The following TBCEL variants were observed in gnomAD, a reference collection of about 807,000 sequenced individuals.
TBCEL encodes tubulin folding cofactor E like.
TBCEL carries 15 observed loss-of-function variants against 44.2 expected under a neutral mutation model. That is an observed-to-expected ratio of 0.34 (90% CI 0.23 to 0.52). TBCEL has a LOEUF of 0.52. TBCEL is among the 20% of genes least tolerant of loss of function. TBCEL has a pLI of 0.95. For missense variants in TBCEL, 319 were observed against 506.3 expected (o/e 0.63, Z 3.55); for synonymous variants, 171 against 185.4 (o/e 0.92, Z 0.63).
Position 121,065,989 on chromosome 11 carries a change from T to C in TBCEL, c.956+5904T>C, listed in dbSNP as rs112714306. On this transcript the variant is annotated intron_variant, in intron 8 of 8. Transcript: ENST00000683345. The stretch of plus-strand genomic sequence containing the variant: ...CCACTCCTTGGTACCAGTTTCTTAG[T>C]GCAAACAACAGAAATCAATTCTGGC... Among the ~76,000 whole-genome samples, 588 of 152,348 alleles carry C rather than the reference T, an allele frequency of 3.9e-3. 8 individuals carry two copies. Among genetic ancestry groups the C allele is most frequent in the African/African-American group, 0.012 (480 of 41,578 alleles).
At chr11:121,079,980 AT>A (rs564606152) in intron 8 of TBCEL, among the ~76,000 whole-genome samples, 1 of 151,538 alleles carries the variant, frequency 6.6e-6, no homozygotes, top group East Asian at 1.9e-4. Context: ...ACGTCTGGCT[AT>A]TTTTTTTGTA....
In TBCEL at chr11:121,090,005, G is replaced by C. The variant is rs958751044; in HGVS notation, c.*2909G>C. 5.3e-5 allele frequency: 8 copies of C among 152,100 alleles called. No homozygotes were observed. The highest frequency in any genetic ancestry group is 1.9e-4 in the East Asian group (1 of 5,194). 9.4% of individuals were successfully genotyped at this position (152,100 alleles called of 1,614,324 possible). A position where few individuals can be genotyped will look rare whatever the true frequency, so the allele number is the denominator to read the frequency against. On this transcript the variant is annotated 3_prime_UTR_variant, in exon 9 of 9. Coordinates refer to ENST00000683345, the MANE Select transcript of TBCEL (RefSeq NM_001363644.2). ...TTGAAATATCCTAGATTGCTTTAAT[G>C]GAAAAAATCCAGAGTCACATATCTT...
At chr11:121,050,337 T>G (rs886232295) in intron 4 of TBCEL, among the ~76,000 whole-genome samples, 8 of 151,730 alleles carry the variant, frequency 5.3e-5, no homozygotes, top group Non-Finnish European at 8.9e-5. Flanking sequence ...TGGAACCAGT[T>G]GTATAATTTT....
At chr11:121,025,393 A>G (rs1367109766) in intron 1 of TBCEL, among the ~76,000 whole-genome samples, 1 of 152,100 alleles carries the variant, frequency 6.6e-6, no homozygotes, top group Non-Finnish European at 1.5e-5. Flanking sequence ...CTAGGGTGGT[A>G]GCTTTCAAAC....
At chr11:121,031,187 C>T (rs1172683266) in intron 1 of TBCEL, among the ~76,000 whole-genome samples, 1 of 152,134 alleles carries the variant, frequency 6.6e-6, no homozygotes, top group Non-Finnish European at 1.5e-5. Context: ...ACTACAAGTT[C>T]CTGTAGAGTT....
rs147643533 is a variant in TBCEL, at chr11:121,061,632, A to G, written c.956+1547A>G. ...TGACTATAATGAATGTTGTAACACA[A>G]TGGTAAGTATTTGTGTATCTAAATA... On this transcript the variant is annotated intron_variant, in intron 8 of 8. Coordinates refer to ENST00000683345, the MANE Select transcript of TBCEL (RefSeq NM_001363644.2). Among the ~76,000 whole-genome samples, 4 of 152,202 alleles carry G rather than the reference A, an allele frequency of 2.6e-5. No individual in the cohort carries two copies. The East Asian group carries it at 5.8e-4, about 22-fold the overall frequency.
At chr11:121,028,982 C>G in intron 1 of TBCEL, among the ~76,000 whole-genome samples, 1 of 152,172 alleles carries the variant, frequency 6.6e-6, no homozygotes, top group East Asian at 1.9e-4. Flanking sequence ...TCTGGCCCTA[C>G]CAATTCTTTA....
At chr11:121,047,428 C>A in intron 3 of TBCEL, 100 bp from the exon 4 acceptor site, 1 of 1,391,232 alleles carries the variant, frequency 7.2e-7, no homozygotes. Flanking sequence ...TGTAATTTCA[C>A]ACAGTTTGAT....
intron 1 of TBCEL, among the ~76,000 whole-genome samples, chr11:121,028,341 G>A (rs1945083072): frequency 6.6e-6 from 1 of 152,206 alleles, no homozygotes; most frequent in South Asian, 2.1e-4. Flanking sequence ...CTTCCATACA[G>A]TAAAAGTTAA....
chr11:121,077,805 A>T (rs1365162209), intron 8 of TBCEL, among the ~76,000 whole-genome samples: 1 of 151,834 alleles, frequency 6.6e-6, no homozygotes, highest in East Asian at 1.9e-4. Flanking sequence ...GTTATATTTT[A>T]GTTTTCATTG....
At chr11:121,034,990 T>C (rs904856607) in intron 1 of TBCEL, among the ~76,000 whole-genome samples, 1 of 152,192 alleles carries the variant, frequency 6.6e-6, no homozygotes, top group Admixed American at 6.5e-5. Context: ...ACATTTTTAC[T>C]GTGCCAAATC....
rs183345004 is a variant in TBCEL at position 121,037,112 on chromosome 11, A to G, written c.-18+500A>G. Among the ~76,000 whole-genome samples, 117 of 152,274 alleles carry G rather than the reference A, an allele frequency of 7.7e-4. 1 individual carries two copies. The highest frequency in any genetic ancestry group is 1.5e-3 in the Admixed American group (23 of 15,290). ...TTTTTAAAAAACCTCCTACCAAGAA[A>G]GGTTGATGTGCCACATTACTACACT... is the stretch of plus-strand genomic sequence containing the variant. On this transcript the variant is annotated intron_variant, in intron 2 of 8. Transcript: ENST00000683345.
At chr11:121,048,764 C>A (rs1011499401) in intron 4 of TBCEL, among the ~76,000 whole-genome samples, 2 of 151,838 alleles carry the variant, frequency 1.3e-5, no homozygotes, top group African/African-American at 2.4e-5. Flanking sequence ...ATTTCTAGAA[C>A]TTTTTCTCCC....
At chr11:121,058,697 A>T (rs1784280) in intron 7 of TBCEL, among the ~76,000 whole-genome samples, 149,774 of 151,932 alleles carry the variant, frequency 0.99, 73,825 homozygotes, top group East Asian at 1. Context: ...ACTGAAAAAT[A>T]TTTCTACAAA....
rs1946027902 is a variant in TBCEL at position 121,076,077 on chromosome 11, G to C, written c.957-10701G>C. 3.3e-5 allele frequency among the ~76,000 whole-genome samples: 5 copies of C among 151,974 alleles called. No individual in the cohort carries two copies. In the South Asian group the frequency reaches 8.3e-4, roughly 25 times the overall value. On this transcript the variant is annotated intron_variant, in intron 8 of 8. Transcript: ENST00000683345. ...CCTTTTGCCAGTACCACACCATCTT[G>C]ATTACTATAGCCTTATGGTAACTGT... is the stretch of plus-strand genomic sequence containing the variant.
Position 121,045,650 on chromosome 11 carries a change from T to G in TBCEL, c.-17-24T>G. 2.0e-6 allele frequency: 3 copies of G among 1,530,140 alleles called. 1 individual carries two copies. In the East Asian group the frequency reaches 6.8e-5, roughly 35 times the overall value. The allele number at this position is 1,530,140 out of a possible 1,614,324, so 94.8% of individuals were successfully genotyped here. A position where few individuals can be genotyped will look rare whatever the true frequency, so the allele number is the denominator to read the frequency against. ...TGAGTAAATACATAATTACATAATT[T>G]GATTATTTCTTGGTTTCTTGTAGCA... On this transcript the variant is annotated intron_variant, in intron 2 of 8. Transcript: ENST00000683345.
Position 121,088,841 on chromosome 11 carries a change from A to G in TBCEL, c.*1745A>G, listed in dbSNP as rs1408772005. On this transcript the variant is annotated 3_prime_UTR_variant, in exon 9 of 9. Transcript: ENST00000683345. ...GAGTCAAATCTACATTCAGTGTAACATTAAAGGTGGAAACCAAAGGGTTTG... is the reference window on the plus strand; with the variant it reads ...GAGTCAAATCTACATTCAGTGTAACGTTAAAGGTGGAAACCAAAGGGTTTG... 1 of 152,316 alleles carries G rather than the reference A, an allele frequency of 6.6e-6. No individual in the cohort carries two copies. The highest frequency in any genetic ancestry group is 2.1e-4 in the South Asian group (1 of 4,830). The allele number at this position is 152,316 out of a possible 1,614,324, so 9.4% of individuals were successfully genotyped here.
intron 8 of TBCEL, among the ~76,000 whole-genome samples, chr11:121,078,805 A>G (rs1019454412): frequency 3.3e-5 from 5 of 152,028 alleles, no homozygotes; most frequent in African/African-American, 1.2e-4. Context: ...TATGATTTGT[A>G]TTTCTGTTCA....
intron 1 of TBCEL, chr11:121,035,417 G>A (rs1384584630): frequency 6.6e-6 from 1 of 150,580 alleles, no homozygotes; most frequent in African/African-American, 2.4e-5. Context: ...GGGCAGTATT[G>A]CCATAGCACT....
Sources: allele counts gnomAD v4.1 joint callset (sites outside exome capture counted in the v4.1 genomes callset), GRCh38; gene constraint gnomAD v4.1.1; transcripts MANE v1.5; gene names NCBI Gene and HGNC (gene_info 2026-07-23, HGNC 2026-07-21).